The following ABTB3 variants were observed in gnomAD, a reference collection of about 807,000 sequenced individuals.
The protein encoded by ABTB3 is ankyrin repeat and BTB domain containing 3, also known as ankyrin repeat- and BTB/POZ domain-containing protein 3.
the ABTB3 span, chr12:107,543,904 G>A: frequency 6.3e-7 from 1 of 1,584,452 alleles, no homozygotes; most frequent in Non-Finnish European, 8.6e-7. Flanking sequence ...TTGGCTTCCT[G>A]GAGGATCTGA....
the ABTB3 span, among the ~76,000 whole-genome samples, chr12:107,332,943 A>G: frequency 2.1e-4 from 32 of 152,336 alleles, 1 homozygote; most frequent in South Asian, 6.4e-3. Flanking sequence ...ACTAGTTGCT[A>G]TAGCTGTGCC....
the ABTB3 span, among the ~76,000 whole-genome samples, chr12:107,429,719 A>G: frequency 6.6e-6 from 1 of 152,202 alleles, no homozygotes; most frequent in Non-Finnish European, 1.5e-5. Context: ...TCTGGTTTTA[A>G]TTCACAGATA....
At chr12:107,382,778 G>A in the ABTB3 span, among the ~76,000 whole-genome samples, 37 of 152,272 alleles carry the variant, frequency 2.4e-4, no homozygotes, top group Non-Finnish European at 4.3e-4. Context: ...AGGGCTAGGG[G>A]AGGGATAGCA....
At chr12:107,635,347 C>T in the ABTB3 span, 1 of 1,613,966 alleles carries the variant, frequency 6.2e-7, no homozygotes, top group African/African-American at 1.3e-5. Flanking sequence ...CCTACCCCAT[C>T]CCCAAGCTCA....
chr12:107,479,585 G>A, the ABTB3 span, among the ~76,000 whole-genome samples: 1 of 152,022 alleles, frequency 6.6e-6, no homozygotes, highest in Non-Finnish European at 1.5e-5. Flanking sequence ...TTCTTCTCTG[G>A]AGATCACTGT....
At chr12:107,456,806 G>A in the ABTB3 span, among the ~76,000 whole-genome samples, 1 of 151,782 alleles carries the variant, frequency 6.6e-6, no homozygotes, top group Non-Finnish European at 1.5e-5. Flanking sequence ...ATTTGAACTT[G>A]AACAGTTTGG....
the ABTB3 span, chr12:107,657,959 C>A: frequency 5.4e-6 from 3 of 551,736 alleles, no homozygotes; most frequent in East Asian, 3.1e-5. Context: ...ATTGAAAGCA[C>A]CCCTAGGACC....
At chr12:107,360,071 A>G in the ABTB3 span, among the ~76,000 whole-genome samples, 1 of 152,290 alleles carries the variant, frequency 6.6e-6, no homozygotes, top group East Asian at 1.9e-4. Flanking sequence ...CAGTGATAAG[A>G]GATAGTTCCT....
the ABTB3 span, among the ~76,000 whole-genome samples, chr12:107,492,088 C>T: frequency 0.015 from 2,306 of 152,100 alleles, 70 homozygotes; most frequent in African/African-American, 0.053. Flanking sequence ...AGGGTGAAGT[C>T]GTGGGAGAGG....
At chr12:107,401,508 G>T in the ABTB3 span, among the ~76,000 whole-genome samples, 2 of 152,206 alleles carry the variant, frequency 1.3e-5, no homozygotes, top group Non-Finnish European at 2.9e-5. Context: ...ACTGCCCAAG[G>T]TTTCAGTAGT....
At chr12:107,320,593 G>C in the ABTB3 span, 31 of 456,106 alleles carry the variant, frequency 6.8e-5, no homozygotes, top group Non-Finnish European at 1.0e-4. Context: ...CGGCCGTACC[G>C]GCTGAATGGT....
the ABTB3 span, among the ~76,000 whole-genome samples, chr12:107,418,421 A>G: frequency 6.6e-6 from 1 of 152,098 alleles, no homozygotes; most frequent in South Asian, 2.1e-4. Context: ...CATCTATCCT[A>G]TTAGTTCTGT....
At chr12:107,422,305 A>C in the ABTB3 span, among the ~76,000 whole-genome samples, 3 of 152,046 alleles carry the variant, frequency 2.0e-5, no homozygotes, top group African/African-American at 7.2e-5. Flanking sequence ...TCAGAGAGGG[A>C]GATGGGTCAG....
chr12:107,363,275 A>C, the ABTB3 span, among the ~76,000 whole-genome samples: 1 of 152,258 alleles, frequency 6.6e-6, no homozygotes, highest in Non-Finnish European at 1.5e-5. Context: ...GATGGACTGC[A>C]CACAACAGAG....
the ABTB3 span, among the ~76,000 whole-genome samples, chr12:107,613,430 C>A: frequency 6.6e-6 from 1 of 152,082 alleles, no homozygotes; most frequent in African/African-American, 2.4e-5. Context: ...GAAAGCATGT[C>A]CCCCCAGAAA....
the ABTB3 span, among the ~76,000 whole-genome samples, chr12:107,443,213 C>A: frequency 1.3e-5 from 2 of 151,842 alleles, no homozygotes; most frequent in Admixed American, 6.6e-5. Flanking sequence ...GAGTGGGATG[C>A]ATTTGCTCAG....
the ABTB3 span, chr12:107,581,336 G>A: frequency 2.3e-6 from 3 of 1,300,118 alleles, no homozygotes; most frequent in South Asian, 2.0e-5. Flanking sequence ...GGGCGGCAGG[G>A]GAGGGAGGGC....
the ABTB3 span, among the ~76,000 whole-genome samples, chr12:107,499,175 A>G: frequency 1.3e-5 from 2 of 152,204 alleles, no homozygotes; most frequent in African/African-American, 2.4e-5. Context: ...AAGGCTTCCC[A>G]GCATTCAAGT....
At chr12:107,639,657 G>A in the ABTB3 span, among the ~76,000 whole-genome samples, 2 of 152,118 alleles carry the variant, frequency 1.3e-5, no homozygotes, top group Non-Finnish European at 1.5e-5. Context: ...GCAAATCGGA[G>A]GATCCTAGTG....
Sources: gnomAD v4.1 joint callset for allele counts (sites outside exome capture counted in the v4.1 genomes callset) on GRCh38, gnomAD v4.1.1 for gene constraint, MANE v1.5 for transcripts, NCBI Gene and HGNC (gene_info 2026-07-23, HGNC 2026-07-21) for gene names.